Variants in BTNL8 observed in about 807,000 individuals in gnomAD.
BTNL8 encodes the protein butyrophilin like 8.
In BTNL8, 22 loss-of-function variants were observed where a neutral mutation model predicts 36.1. The ratio of observed to expected loss-of-function variants is 0.61; its 90% CI spans 0.44 to 0.87. BTNL8 has a LOEUF of 0.87. Among genes scored for constraint, BTNL8 ranks in the 40% least tolerant of loss-of-function variants. The pLI, the probability that BTNL8 is intolerant of heterozygous loss-of-function variation, is 0.00. For missense variants in BTNL8, 526 were observed against 616.9 expected (o/e 0.85, Z 1.56); for synonymous variants, 203 against 235.6 (o/e 0.86, Z 1.27).
chr5:180,950,594 C>G lies in BTNL8; in HGVS notation c.*50C>G, dbSNP rs199865100. On this transcript the variant is annotated 3_prime_UTR_variant, in exon 8 of 8. Coordinates refer to ENST00000340184, the MANE Select transcript of BTNL8 (RefSeq NM_001040462.3). ...TTTAGGGATATTAAGGTCTCTCTCCCAGATCCAAAGTCCCGCAGCAGCCGG... is the reference window on the plus strand; with the variant it reads ...TTTAGGGATATTAAGGTCTCTCTCCGAGATCCAAAGTCCCGCAGCAGCCGG... The G allele has an allele frequency of 6.9e-4, 998 of 1,437,976 alleles. 232 individuals carry two copies. Among genetic ancestry groups the G allele is most frequent in the Non-Finnish European group, 9.2e-4 (961 of 1,047,064 alleles). 89.1% of individuals were successfully genotyped at this position (1,437,976 alleles called of 1,614,324 possible). A position where few individuals can be genotyped will look rare whatever the true frequency, so the allele number is the denominator to read the frequency against.
At chr5:180,924,773 A>G (rs1031537519) in intron 3 of BTNL8, among the ~76,000 whole-genome samples, 33 of 152,266 alleles carry the variant, frequency 2.2e-4, no homozygotes, top group Admixed American at 6.5e-5. Flanking sequence ...TCAAGAAAAT[A>G]TGACACCAAA....
At chr5:180,920,248 A>G (rs1255858614) in intron 3 of BTNL8, among the ~76,000 whole-genome samples, 3 of 152,160 alleles carry the variant, frequency 2.0e-5, no homozygotes, top group Non-Finnish European at 4.4e-5. Context: ...AAAAACAGAC[A>G]TATAGATTAA....
Position 180,917,539 on chromosome 5 carries a change from T to C in BTNL8, c.673+5925T>C, listed in dbSNP as rs7711943. Among the ~76,000 whole-genome samples the C allele has an allele frequency of 6.9e-4, 104 of 150,724 alleles. 4 individuals carry two copies. Among genetic ancestry groups the C allele is most frequent in the Non-Finnish European group, 5.0e-4 (34 of 67,566 alleles). ...CTATGAAAAATTACAGGCCAACAAA[T>C]TGGATAACCTAGCAGAAATGGATAC... On this transcript the variant is annotated intron_variant, in intron 3 of 7. Coordinates refer to ENST00000340184, the MANE Select transcript of BTNL8 (RefSeq NM_001040462.3).
chr5:180,900,769 G>C, intron 1 of BTNL8, among the ~76,000 whole-genome samples: 1 of 152,224 alleles, frequency 6.6e-6, no homozygotes, highest in East Asian at 1.9e-4. Flanking sequence ...GTGCGCTAAT[G>C]AGCGTTGCTG....
intron 3 of BTNL8, among the ~76,000 whole-genome samples, chr5:180,919,695 C>T (rs1757783768): frequency 6.6e-6 from 1 of 152,146 alleles, no homozygotes; most frequent in Non-Finnish European, 1.5e-5. Context: ...ATGAATTTAG[C>T]AAAGTTGTAG....
chr5:180,915,669 C>T (rs563162419), intron 3 of BTNL8, among the ~76,000 whole-genome samples: 2 of 152,308 alleles, frequency 1.3e-5, no homozygotes, highest in Non-Finnish European at 1.5e-5. Context: ...AACAGATTCA[C>T]AGCACATTAA....
chr5:180,923,285 T>C (rs1267479647), intron 3 of BTNL8, among the ~76,000 whole-genome samples: 2 of 152,160 alleles, frequency 1.3e-5, no homozygotes, highest in Non-Finnish European at 2.9e-5. Context: ...AAAAACCTAA[T>C]ATATTATGAC....
chr5:180,901,566 G>T (rs927195984), intron 1 of BTNL8, among the ~76,000 whole-genome samples: 1 of 152,180 alleles, frequency 6.6e-6, no homozygotes, highest in African/African-American at 2.4e-5. Flanking sequence ...TGTGTGACTG[G>T]CTCTGTGCTG....
At chr5:180,929,529 G>A (rs1460850931) in intron 3 of BTNL8, among the ~76,000 whole-genome samples, 2 of 149,598 alleles carry the variant, frequency 1.3e-5, no homozygotes, top group African/African-American at 5.1e-5. Context: ...CCAGGAGGTG[G>A]TTTTTTGAAA....
chr5:180,950,170 T>C lies in BTNL8; in HGVS notation c.1129T>C (p.Tyr377His), dbSNP rs938756261. Residue 377 changes from tyrosine (Y) to histidine (H), a missense_variant, in exon 8 of 8, where the codon TAC becomes CAC. Coordinates refer to ENST00000340184, the MANE Select transcript of BTNL8 (RefSeq NM_001040462.3). ...CGTGACTTTGTCTCCCGATCATGGG[T>C]ACTGGGTCCTCAGACTGAATGGAGA... Reference protein sequence around the residue: ...EYVTLSPDHGYWVLRLNGEHL... With the variant: ...EYVTLSPDHGHWVLRLNGEHL... 2.1e-6 allele frequency: 3 copies of C among 1,462,784 alleles called. 1 individual carries two copies. The African/African-American group carries it at 4.1e-5, about 20-fold the overall frequency. The allele number at this position is 1,462,784 out of a possible 1,614,324, so 90.6% of individuals were successfully genotyped here.
chr5:180,902,173 A>T (rs1756849089), intron 1 of BTNL8, among the ~76,000 whole-genome samples: 1 of 136,628 alleles, frequency 7.3e-6, no homozygotes, highest in Non-Finnish European at 1.5e-5. Flanking sequence ...GACGATGGAA[A>T]TGGGGATGTT....
intron 3 of BTNL8, among the ~76,000 whole-genome samples, chr5:180,924,464 C>T (rs1338626865): frequency 6.6e-6 from 1 of 152,174 alleles, no homozygotes; most frequent in Non-Finnish European, 1.5e-5. Context: ...GAAAGACAAC[C>T]TCTAACCCTG....
chr5:180,909,775 T>A (rs1209068376), intron 2 of BTNL8: 1 of 178,300 alleles, frequency 5.6e-6, no homozygotes, highest in Non-Finnish European at 1.1e-5. Flanking sequence ...TGTTTACAGT[T>A]GTTGCCGTGT....
At chr5:180,941,882 A>G (rs1758974872) in intron 3 of BTNL8, among the ~76,000 whole-genome samples, 1 of 65,034 alleles carries the variant, frequency 1.5e-5, no homozygotes, top group South Asian at 3.3e-4. Flanking sequence ...TAAGAACTGG[A>G]ACAAGACAAG....
At chr5:180,948,233 T>C in intron 4 of BTNL8, 122 bp from the exon 5 acceptor site, 1 of 1,330,710 alleles carries the variant, frequency 7.5e-7, no homozygotes, top group Non-Finnish European at 1.1e-6. Flanking sequence ...CACATATAAG[T>C]GTCCTAGGAG....
intron 1 of BTNL8, among the ~76,000 whole-genome samples, chr5:180,905,252 T>C (rs1757026457): frequency 6.6e-6 from 1 of 151,128 alleles, no homozygotes; most frequent in African/African-American, 2.4e-5. Context: ...GGTTTAGTCT[T>C]GGGAGAGTGT....
intron 3 of BTNL8, among the ~76,000 whole-genome samples, chr5:180,923,650 T>C (rs1045707094): frequency 3.3e-5 from 5 of 151,670 alleles, no homozygotes; most frequent in African/African-American, 4.8e-5. Flanking sequence ...ATAGTAATCA[T>C]TGCAAAAAAA....
At chr5:180,928,495 C>T (rs181869015) in intron 3 of BTNL8, among the ~76,000 whole-genome samples, 4 of 152,226 alleles carry the variant, frequency 2.6e-5, no homozygotes, top group Admixed American at 2.6e-4. Flanking sequence ...AGGCTAAATG[C>T]CCCAGTTAAA....
Position 180,935,479 on chromosome 5 carries a change from T to C in BTNL8, c.674-12033T>C, listed in dbSNP as rs576760468. ...GCACTGCCTCCAGCACATGCATACC[T>C]GGCTGGGCACAACAGTGCCCGGACT... On this transcript the variant is annotated intron_variant, in intron 3 of 7. Coordinates refer to ENST00000340184, the MANE Select transcript of BTNL8 (RefSeq NM_001040462.3). The surrounding 1 kb of genome is among the most constrained non-coding windows in gnomAD (Gnocchi z 4.8). Among the ~76,000 whole-genome samples the C allele has an allele frequency of 1.3e-5, 2 of 152,326 alleles. No individual in the cohort carries two copies. Among genetic ancestry groups the C allele is most frequent in the African/African-American group, 4.8e-5 (2 of 41,588 alleles).
Sources: allele counts gnomAD v4.1 joint callset (sites outside exome capture counted in the v4.1 genomes callset), GRCh38; gene constraint gnomAD v4.1.1; non-coding constraint Gnocchi (gnomAD v3.1); transcripts MANE v1.5; gene names NCBI Gene and HGNC (gene_info 2026-07-23, HGNC 2026-07-21).